The following GTF2I variants were observed in gnomAD, a reference collection of about 807,000 sequenced individuals.
GTF2I encodes the protein general transcription factor IIi.
Under a neutral mutation model 67.6 loss-of-function variants are expected in GTF2I, and 12 were observed. The ratio of observed to expected loss-of-function variants is 0.18; its 90% CI spans 0.11 to 0.29. GTF2I has a LOEUF of 0.29. Among genes scored for constraint, GTF2I ranks in the 10% least tolerant of loss-of-function variants. The pLI is 1.00. For synonymous variants in GTF2I, 149 were observed against 197.0 expected (o/e 0.76, Z 2.04); for missense variants, 271 against 580.1 (o/e 0.47, Z 5.47).
chr7:74,696,534 C>G (rs1426108554), intron 3 of GTF2I, among the ~76,000 whole-genome samples: 1 of 151,694 alleles, frequency 6.6e-6, no homozygotes, highest in Non-Finnish European at 1.5e-5. Flanking sequence ...GCTCTGTCGC[C>G]CAGGCTAGAG....
chr7:74,685,368 T>C (rs923885702), intron 1 of GTF2I, among the ~76,000 whole-genome samples: 3 of 151,998 alleles, frequency 2.0e-5, no homozygotes, highest in Non-Finnish European at 2.9e-5. Context: ...GTGGTGGCAG[T>C]TACCTGTAAT....
At chr7:74,715,520 C>T (rs782553806) in intron 10 of GTF2I, among the ~76,000 whole-genome samples, 1 of 151,980 alleles carries the variant, frequency 6.6e-6, no homozygotes, top group Non-Finnish European at 1.5e-5. Context: ...ATCATCTTAA[C>T]TGTTATTCTT....
At chr7:74,713,416 CTT>C (rs148607774) in intron 9 of GTF2I, among the ~76,000 whole-genome samples, 7,559 of 152,222 alleles carry the variant, frequency 0.05, 257 homozygotes, top group Non-Finnish European at 0.075. Context: ...GATGAATACT[CTT>C]TTAACATTTA....
At chr7:74,698,929 T>C (rs1466001168) in intron 3 of GTF2I, 32 bp from the exon 4 acceptor site, 4 of 1,125,710 alleles carry the variant, frequency 3.6e-6, no homozygotes, top group African/African-American at 1.6e-5. Flanking sequence ...CTTATTATTA[T>C]TTTTTTATTT....
At chr7:74,686,964 A>G (rs1216161039) in intron 1 of GTF2I, among the ~76,000 whole-genome samples, 1 of 150,852 alleles carries the variant, frequency 6.6e-6, no homozygotes, top group Non-Finnish European at 1.5e-5. Context: ...ATTTTGGCTC[A>G]CTGCAACCTC....
At chr7:74,697,356 C>T (rs1584171462) in intron 3 of GTF2I, among the ~76,000 whole-genome samples, 1 of 152,164 alleles carries the variant, frequency 6.6e-6, no homozygotes, top group East Asian at 1.9e-4. Flanking sequence ...GATCGTGCCA[C>T]TGCACTCCAG....
In GTF2I at chr7:74,690,995, A is replaced by C. The variant is rs782225301; in HGVS notation, c.122A>C (p.Lys41Thr). Residue 41 changes from lysine (K) to threonine (T), a missense_variant, in exon 3 of 35, where the codon AAA becomes ACA. Physicochemically the swap from Lys to Thr is moderately conservative, Grantham distance 78. Coordinates refer to ENST00000573035, the MANE Select transcript of GTF2I (RefSeq NM_032999.4). ...ESMCKELAKS[K>T]AEVACIAVYE... The stretch of plus-strand genomic sequence containing the variant: ...TAGTGTAAAGAACTGGCCAAGTCCA[A>C]AGCCGAAGTGGCCTGCATTGCAGTG... The C allele has an allele frequency of 6.2e-7, 1 of 1,613,148 alleles. No homozygotes were observed.
intron 3 of GTF2I, 76 bp from the exon 4 acceptor site, chr7:74,698,885 C>A: frequency 2.9e-6 from 2 of 689,198 alleles, no homozygotes; most frequent in Non-Finnish European, 2.1e-6. Context: ...ACGATTTTTA[C>A]TAAAAACCAA....
At chr7:74,702,719 A>G (rs1789977033) in intron 6 of GTF2I, among the ~76,000 whole-genome samples, 1 of 149,106 alleles carries the variant, frequency 6.7e-6, no homozygotes, top group Non-Finnish European at 1.5e-5. Context: ...ATGTGTTTTT[A>G]CTTTTCTTTC....
intron 1 of GTF2I, among the ~76,000 whole-genome samples, chr7:74,661,963 G>A (rs1271738743): frequency 6.6e-6 from 1 of 152,020 alleles, no homozygotes; most frequent in East Asian, 1.9e-4. Flanking sequence ...CCCAAAGTCT[G>A]CCACACCACC....
rs781990126 is a variant in GTF2I at position 74,733,907 on chromosome 7, T to G, written c.1305-16T>G. 4 of 1,610,742 alleles carry G rather than the reference T, an allele frequency of 2.5e-6. No individual in the cohort carries two copies. The South Asian group carries it at 4.4e-5, about 18-fold the overall frequency. On this transcript the variant is annotated splice_polypyrimidine_tract_variant and intron_variant, in intron 15 of 34. Transcript: ENST00000573035. Reference sequence around the variant, plus strand: ...TATTACCTAGTGATTATTGAGTATTTATTCTCACCTTTCAGACATGAGCTT... The same window carrying G: ...TATTACCTAGTGATTATTGAGTATTGATTCTCACCTTTCAGACATGAGCTT...
At chr7:74,721,435 C>G (rs146936487) in intron 12 of GTF2I, among the ~76,000 whole-genome samples, 9 of 152,152 alleles carry the variant, frequency 5.9e-5, no homozygotes, top group Admixed American at 5.9e-4. Flanking sequence ...AGACCTCTTT[C>G]TTTTCAGAAG....
chr7:74,688,227 C>T (rs587746864), intron 1 of GTF2I, among the ~76,000 whole-genome samples: 1 of 152,118 alleles, frequency 6.6e-6, no homozygotes, highest in Non-Finnish European at 1.5e-5. Flanking sequence ...TACAGGCGCC[C>T]ACCACCCTGC....
chr7:74,711,706 G>A (rs1325440634), intron 9 of GTF2I, among the ~76,000 whole-genome samples: 1 of 152,130 alleles, frequency 6.6e-6, no homozygotes, highest in African/African-American at 2.4e-5. Flanking sequence ...CATGGGCCGG[G>A]GAGCAGTGTG....
intron 1 of GTF2I, chr7:74,684,917 AAG>A (rs1278389177): frequency 1.3e-5 from 2 of 152,304 alleles, no homozygotes; most frequent in Non-Finnish European, 2.9e-5. Flanking sequence ...ACAGTCCACA[AAG>A]AGGGGGCGGG....
In GTF2I at chr7:74,680,095, A is replaced by ATAT. The variant is rs1330438660; in HGVS notation, c.-5-9029_-5-9028insTAT. On this transcript the variant is annotated intron_variant, in intron 1 of 34. Coordinates refer to ENST00000573035, the MANE Select transcript of GTF2I (RefSeq NM_032999.4). ...AGTCCATCTCAAAAAAAAAAAAAAA[A>ATAT]AAAAATATATATATATATATATGTA... 6.6e-3 allele frequency among the ~76,000 whole-genome samples: 644 copies of ATAT among 97,764 alleles called. 3 individuals carry two copies. The highest frequency in any genetic ancestry group is 9.9e-3 in the Non-Finnish European group (492 of 49,526). 64.1% of individuals were successfully genotyped at this position (97,764 alleles called of 152,430 possible).
intron 1 of GTF2I, among the ~76,000 whole-genome samples, chr7:74,664,378 C>G (rs1394184238): frequency 1.3e-5 from 2 of 152,130 alleles, no homozygotes; most frequent in African/African-American, 4.8e-5. Context: ...TCAGTATAGC[C>G]AGGAACTGTC....
intron 9 of GTF2I, among the ~76,000 whole-genome samples, chr7:74,713,085 C>A (rs1257544175): frequency 6.6e-6 from 1 of 151,964 alleles, no homozygotes; most frequent in Non-Finnish European, 1.5e-5. Flanking sequence ...AATCAAGTAC[C>A]ATTTTTAGGG....
At chr7:74,662,729 G>A (rs1584056884) in intron 1 of GTF2I, among the ~76,000 whole-genome samples, 1 of 151,744 alleles carries the variant, frequency 6.6e-6, no homozygotes, top group South Asian at 2.1e-4. Context: ...TCATCATGCT[G>A]GCCAGGCTTG....
Sources: allele counts gnomAD v4.1 joint callset (sites outside exome capture counted in the v4.1 genomes callset), GRCh38; gene constraint gnomAD v4.1.1; transcripts MANE v1.5; gene names NCBI Gene and HGNC (gene_info 2026-07-23, HGNC 2026-07-21).